Variants in PNPLA1 observed in about 807,000 individuals in gnomAD.
PNPLA1 encodes omega-hydroxyceramide transacylase.
PNPLA1 carries 36 observed loss-of-function variants against 51.7 expected under a neutral mutation model. The ratio of observed to expected loss-of-function variants is 0.70; its 90% CI spans 0.53 to 0.92. PNPLA1 has a LOEUF of 0.92. PNPLA1 is among the 40% of genes least tolerant of loss of function. The probability of loss-of-function intolerance (pLI) is 0.00; values close to 1 mark genes in which losing one functional copy is unlikely to be tolerated. For missense variants in PNPLA1, 658 were observed against 682.5 expected (o/e 0.96, Z 0.40); for synonymous variants, 293 against 280.1 (o/e 1.05, Z -0.46).
At chr6:36,304,034 C>T (rs988275300) in intron 6 of PNPLA1, among the ~76,000 whole-genome samples, 3 of 151,956 alleles carry the variant, frequency 2.0e-5, no homozygotes, top group Admixed American at 6.6e-5. Flanking sequence ...AGAGCATTTC[C>T]GATTTTGTTT....
intron 1 of PNPLA1, among the ~76,000 whole-genome samples, chr6:36,282,105 GAAGGA>G (rs1561859403): frequency 7.9e-4 from 111 of 140,534 alleles, no homozygotes; most frequent in African/African-American, 2.9e-3. Flanking sequence ...AGGAAGGAAG[GAAGGA>G]AGGAAGGAAG....
At chr6:36,255,109 G>C (rs887765969) in intron 1 of PNPLA1, among the ~76,000 whole-genome samples, 1 of 152,148 alleles carries the variant, frequency 6.6e-6, no homozygotes, top group Non-Finnish European at 1.5e-5. Context: ...TCTAATGCCC[G>C]TAATCCCAGC....
chr6:36,308,281 G>A (rs964335985), intron 8 of PNPLA1: 4 of 152,208 alleles, frequency 2.6e-5, no homozygotes, highest in African/African-American at 9.7e-5. Flanking sequence ...GGAGGCTGAG[G>A]CAAGAGAATC....
chr6:36,293,634 T>C (rs1446641565), intron 3 of PNPLA1, among the ~76,000 whole-genome samples: 1 of 152,200 alleles, frequency 6.6e-6, no homozygotes, highest in Non-Finnish European at 1.5e-5. Context: ...GGCCACACTC[T>C]GAGTGGTGAT....
chr6:36,267,266 C>T (rs752881952), upstream of PNPLA1, among the ~76,000 whole-genome samples: 5 of 152,188 alleles, frequency 3.3e-5, no homozygotes, highest in Admixed American at 1.3e-4. Flanking sequence ...GGAACCAGGG[C>T]GAATGAAAGG....
At chr6:36,270,004 A>G (rs1361695292), upstream of PNPLA1, among the ~76,000 whole-genome samples, 3 of 152,212 alleles carry the variant, frequency 2.0e-5, no homozygotes, top group African/African-American at 7.2e-5. Flanking sequence ...GATAACCATC[A>G]CGGAGGTTTT....
chr6:36,289,547 A>G lies in PNPLA1; in HGVS notation c.206-1773A>G, dbSNP rs144868554. ...CACCCTCCCCTGTAGGAGGGTGACA[A>G]TTACGATGCTGCATTGCTCAGGGAG... On this transcript the variant is annotated intron_variant, in intron 1 of 8. Transcript: ENST00000636260. Among the ~76,000 whole-genome samples, 486 of 152,126 alleles carry G rather than the reference A, an allele frequency of 3.2e-3. 2 individuals carry two copies. The highest frequency in any genetic ancestry group is 0.011 in the African/African-American group (454 of 41,524).
upstream of PNPLA1, among the ~76,000 whole-genome samples, chr6:36,267,511 G>A (rs1027317007): frequency 5.9e-5 from 9 of 152,152 alleles, no homozygotes; most frequent in Admixed American, 6.5e-5. Context: ...ATGTGCATTC[G>A]TGGAAGTCAG....
Position 36,294,909 on chromosome 6 carries a change from G to A in PNPLA1, c.715-455G>A, listed in dbSNP as rs763553257. 1.1e-4 allele frequency among the ~76,000 whole-genome samples: 17 copies of A among 152,248 alleles called. No individual in the cohort carries two copies. Among genetic ancestry groups the A allele is most frequent in the Non-Finnish European group, 2.1e-4 (14 of 68,048 alleles). Reference sequence around the variant, plus strand: ...GCCCTTTACAGAAAAGGCTTTGTGGGCAGTAGCTCATGTAATCCTCTAGCA... The same window carrying A: ...GCCCTTTACAGAAAAGGCTTTGTGGACAGTAGCTCATGTAATCCTCTAGCA... On this transcript the variant is annotated intron_variant, in intron 4 of 8. Coordinates refer to ENST00000636260, the MANE Select transcript of PNPLA1 (RefSeq NM_001374623.1). This position sits in a 1 kb window ranked among gnomAD's most constrained non-coding sequence, Gnocchi z 4.2.
In PNPLA1 at chr6:36,293,120, C is replaced by T. The variant is rs774249073; in HGVS notation, c.498C>T (p.Arg166=). The change falls in exon 3 of 9, where the codon CGC becomes CGT. Residue 166 remains arginine (R), a synonymous_variant. Transcript: ENST00000636260. ...VYCGLIPPTY[R]GVRYIDGGFT... is the part of the protein sequence containing the mutation. The stretch of plus-strand genomic sequence containing the variant: ...GTGGCCTCATCCCCCCGACTTACCG[C>T]GGTGTGGTGAGTGCTTCGGCATGGT... 4.0e-5 allele frequency: 64 copies of T among 1,613,820 alleles called. No homozygotes were observed. Among genetic ancestry groups the T allele is most frequent in the Non-Finnish European group, 4.9e-5 (58 of 1,179,872 alleles).
chr6:36,273,107 G>A (rs1472845446), intron 1 of PNPLA1, among the ~76,000 whole-genome samples: 5 of 151,956 alleles, frequency 3.3e-5, no homozygotes, highest in African/African-American at 7.3e-5. Flanking sequence ...TTAGCCAGGC[G>A]TGGTGGTGCA....
chr6:36,281,219 G>A (rs1770271668), intron 1 of PNPLA1, among the ~76,000 whole-genome samples: 1 of 152,190 alleles, frequency 6.6e-6, no homozygotes. Context: ...CAGGTGTGTG[G>A]GTGAGTGTGA....
At chr6:36,307,380 G>A (rs372383291) in intron 7 of PNPLA1, among the ~76,000 whole-genome samples, 3 of 151,908 alleles carry the variant, frequency 2.0e-5, no homozygotes, top group South Asian at 2.1e-4. Flanking sequence ...TATAAAAGTC[G>A]GAGTTTCATT....
chr6:36,273,670 A>G lies in PNPLA1; in HGVS notation c.205+3006A>G, dbSNP rs1245498159. On this transcript the variant is annotated intron_variant, in intron 1 of 8. Transcript: ENST00000636260. ...CACTTTGAGAGGCCAAGGCAGGAAG[A>G]TTGTGTGTGGGTCCAGGAGTTCAAG... Among the ~76,000 whole-genome samples the G allele has an allele frequency of 2.4e-5, 3 of 127,016 alleles. No individual in the cohort carries two copies. The Admixed American group carries it at 2.9e-4, about 12-fold the overall frequency. 83.3% of individuals were successfully genotyped at this position (127,016 alleles called of 152,430 possible).
At position 36,302,335 on chromosome 6, in the gene PNPLA1, C is replaced by G; in HGVS notation, c.1250C>G (p.Ser417Cys). The change falls in exon 6 of 9, where the codon TCT becomes TGT. Residue 417 changes from serine to cysteine, a missense_variant. Physicochemically the swap from Ser to Cys is moderately radical, Grantham distance 112 (BLOSUM62 -1). Transcript: ENST00000636260. Reference protein sequence around the residue: ...PSGSPARSLHSQAPTSPRPSL... With the variant: ...PSGSPARSLHCQAPTSPRPSL... ...GGATCACCAGCCAGATCCCTACACTCTCAGGCACCCACTTCACCCAGGCCA... is the reference window on the plus strand; with the variant it reads ...GGATCACCAGCCAGATCCCTACACTGTCAGGCACCCACTTCACCCAGGCCA... The G allele has an allele frequency of 1.9e-6, 3 of 1,613,602 alleles. No individual in the cohort carries two copies. Among genetic ancestry groups the G allele is most frequent in the East Asian group, 2.2e-5 (1 of 44,872 alleles).
At chr6:36,295,306 A>C in intron 4 of PNPLA1, 58 bp from the exon 5 acceptor site, 3 of 1,575,686 alleles carry the variant, frequency 1.9e-6, no homozygotes, top group Non-Finnish European at 2.6e-6. Context: ...GGTCGGGGGA[A>C]CTGTGGCTCC....
upstream of PNPLA1, among the ~76,000 whole-genome samples, chr6:36,266,909 A>C (rs2127321610): frequency 6.6e-6 from 1 of 152,312 alleles, no homozygotes; most frequent in African/African-American, 2.4e-5. Context: ...CATTTTCAGG[A>C]GGTAAGCAAA....
rs373561531 is a variant in PNPLA1 at position 36,255,454 on chromosome 6, G to A, written c.-81+12193G>A. Among the ~76,000 whole-genome samples the A allele has an allele frequency of 6.9e-4, 105 of 151,872 alleles. 1 individual carries two copies. Among genetic ancestry groups the A allele is most frequent in the Middle Eastern group, 3.4e-3 (1 of 294 alleles). ...CGGGAGGCAGAGGTTGCAGTGAGCC[G>A]AGATCATGCCATTGCACTCCAGCCT... On this transcript the variant is annotated intron_variant, in intron 1 of 7. Coordinates refer to the PNPLA1 transcript ENST00000312917.
chr6:36,299,125 G>A lies in PNPLA1; in HGVS notation c.776-2736G>A, dbSNP rs377453751. On this transcript the variant is annotated intron_variant, in intron 5 of 8. Coordinates refer to ENST00000636260, the MANE Select transcript of PNPLA1 (RefSeq NM_001374623.1). ...GACACTGGAGTTGCTTCCATCTTTC[G>A]GCTATTGTGGATAATGCTGCAGTGC... Among the ~76,000 whole-genome samples the A allele has an allele frequency of 6.4e-4, 98 of 152,134 alleles. 4 individuals are homozygous for A. The South Asian group carries it at 0.019, about 30-fold the overall frequency.
Sources: gnomAD v4.1 joint callset for allele counts (sites outside exome capture counted in the v4.1 genomes callset) on GRCh38, gnomAD v4.1.1 for gene constraint, Gnocchi (gnomAD v3.1) non-coding constraint, MANE v1.5 for transcripts, NCBI Gene and HGNC (gene_info 2026-07-23, HGNC 2026-07-21) for gene names.